HECTD4: variants seen among roughly 807,000 people sequenced by gnomAD.
HECTD4 encodes HECT domain E3 ubiquitin protein ligase 4.
A neutral mutation model predicts 471.5 loss-of-function variants in HECTD4; 114 were observed. The ratio of observed to expected loss-of-function variants is 0.24; its 90% confidence interval spans 0.21 to 0.28. The LOEUF is 0.28. Ranked by LOEUF, HECTD4 falls within the 10% of genes least tolerant of loss-of-function variation. The pLI, the probability that HECTD4 is intolerant of heterozygous loss-of-function variation, is 1.00. For missense variants in HECTD4, 3,866 were observed against 5,651.5 expected (o/e 0.68, Z 10.13); for synonymous variants, 2,012 against 2,256.0 (o/e 0.89, Z 3.07).
At chr12:112,337,378 A>G (rs2035977171) in intron 1 of HECTD4, among the ~76,000 whole-genome samples, 1 of 152,238 alleles carries the variant, frequency 6.6e-6, no homozygotes, top group Admixed American at 6.5e-5. Context: ...CCCTCAAAAT[A>G]TATGCACAAA....
At chr12:112,231,955 C>A (rs182892445) in intron 38 of HECTD4, among the ~76,000 whole-genome samples, 58 of 152,146 alleles carry the variant, frequency 3.8e-4, no homozygotes, top group Non-Finnish European at 7.2e-4. Context: ...CACAGGGCCC[C>A]GACACAGACT....
intron 44 of HECTD4, among the ~76,000 whole-genome samples, chr12:112,224,497 A>G (rs1019424146): frequency 6.6e-6 from 1 of 151,924 alleles, no homozygotes. Flanking sequence ...CCATCTCCTG[A>G]CCTCATGATC....
intron 3 of HECTD4, among the ~76,000 whole-genome samples, chr12:112,313,677 A>C (rs1363616284): frequency 6.6e-6 from 1 of 151,680 alleles, no homozygotes; most frequent in East Asian, 1.9e-4. Context: ...TTTAGTAGAG[A>C]TGGGGTTTTG....
rs766112447 is a variant in HECTD4, at chr12:112,235,694, T to C, written c.5535A>G (p.Leu1845=). ...GGCACAGCTGGAGAATAATAAGGAC[T>C]AGCTTTGGAGACGGGCGTTGGTCAA... ...LLLDQRPSPK[L]VLIILQLCRA... Residue 1845 remains leucine (L), a synonymous_variant, in exon 36 of 76, where the codon CTA becomes CTG. Transcript: ENST00000682272. The surrounding 1 kb of genome is among the most constrained non-coding windows in gnomAD (Gnocchi z 5.0). 1.9e-6 allele frequency: 3 copies of C among 1,613,874 alleles called. No homozygotes were observed. The highest frequency in any genetic ancestry group is 4.5e-5 in the East Asian group (2 of 44,896).
intron 48 of HECTD4, among the ~76,000 whole-genome samples, chr12:112,216,054 A>T (rs908875440): frequency 7.9e-5 from 12 of 152,206 alleles, no homozygotes; most frequent in Non-Finnish European, 1.6e-4. Context: ...GAATTATCTA[A>T]TGACTAAGGC....
rs1409389908 is a variant in HECTD4 at position 112,274,827 on chromosome 12, T to C, written c.1801+20A>G. On this transcript the variant is annotated intron_variant, in intron 10 of 75. Transcript: ENST00000682272. Reference sequence around the variant, plus strand: ...TAAAACTTGAAATTTTCCAAAGATATGTGCAAGTTTATTTCTTACCCAATC... The same window carrying C: ...TAAAACTTGAAATTTTCCAAAGATACGTGCAAGTTTATTTCTTACCCAATC... The C allele has an allele frequency of 1.1e-5, 16 of 1,435,960 alleles. No individual in the cohort carries two copies. The Admixed American group carries it at 2.0e-4, about 18-fold the overall frequency. The allele number at this position is 1,435,960 out of a possible 1,614,324, so 89.0% of individuals were successfully genotyped here.
Position 112,270,280 on chromosome 12 carries a change from C to T in HECTD4, c.2122G>A (p.Ala708Thr). 6.2e-7 allele frequency: 1 copy of T among 1,614,014 alleles called. No individual in the cohort carries two copies. The highest frequency in any genetic ancestry group is 8.5e-7 in the Non-Finnish European group (1 of 1,179,898). Residue 708 changes from alanine to threonine, a missense_variant, in exon 12 of 76, where the codon GCC (alanine) becomes ACC (threonine). Around this residue, in one of 16 missense-constraint regions of HECTD4, gnomAD observed 525 missense variants for 672.6 expected, o/e 0.78. Coordinates refer to ENST00000682272, the MANE Select transcript of HECTD4 (RefSeq NM_001388303.1). ...ATACAGGTATCTCCATTAACCATGG[C>T]CTTCTCCATAATGTCACAAATACTG... ...LSSICDIMEK[A>T]MVNGDTCIIR...
In HECTD4 at chr12:112,235,272, A is replaced by G; in HGVS notation, c.5726-6T>C. 5 of 1,604,952 alleles carry G rather than the reference A, an allele frequency of 3.1e-6. No homozygotes were observed. Among genetic ancestry groups the G allele is most frequent in the Non-Finnish European group, 4.3e-6 (5 of 1,176,218 alleles). ...AGAAAGAACTGTCTGACATCCTTTA[A>G]GCAAAAAACAAAGCTCATTCAGGAA... On this transcript the variant is annotated splice_region_variant and splice_polypyrimidine_tract_variant and intron_variant, in intron 36 of 75. Transcript: ENST00000682272. The surrounding 1 kb of genome is among the most constrained non-coding windows in gnomAD (Gnocchi z 5.0).
At position 112,175,798 on chromosome 12, in the gene HECTD4, C is replaced by A. The variant is rs568489250; in HGVS notation, c.11532G>T (p.Arg3844Ser). ...GFHKFVIDRA[R>S]QDIRSVWRAI... ...CCCTCCAGACGCTACGGATATCTTG[C>A]CTGGCTCGGTCAATAACAAATTTGT... The change falls in exon 66 of 76, where the codon AGG becomes AGT. Residue 3844 changes from arginine to serine, a missense_variant. Around this residue, in one of 16 missense-constraint regions of HECTD4, gnomAD observed 715 missense variants for 1,087.6 expected, o/e 0.66. Coordinates refer to ENST00000682272, the MANE Select transcript of HECTD4 (RefSeq NM_001388303.1). 6.2e-7 allele frequency: 1 copy of A among 1,613,472 alleles called. No individual in the cohort carries two copies. The highest frequency in any genetic ancestry group is 8.5e-7 in the Non-Finnish European group (1 of 1,179,686).
chr12:112,197,549 T>C (rs1174743236), intron 55 of HECTD4, among the ~76,000 whole-genome samples: 1 of 152,194 alleles, frequency 6.6e-6, no homozygotes, highest in Non-Finnish European at 1.5e-5. Context: ...TTGATGAAAA[T>C]CTGTGCCAGG....
At chr12:112,324,680 A>T (rs1300921289) in intron 1 of HECTD4, among the ~76,000 whole-genome samples, 1 of 152,170 alleles carries the variant, frequency 6.6e-6, no homozygotes, top group Non-Finnish European at 1.5e-5. Context: ...TTTGTTTTTT[A>T]GTGCTATTAC....
intron 44 of HECTD4, among the ~76,000 whole-genome samples, chr12:112,226,073 A>G (rs1004374692): frequency 6.6e-6 from 1 of 152,200 alleles, no homozygotes; most frequent in Non-Finnish European, 1.5e-5. Context: ...AAATAATTCC[A>G]GGGGTTGCAG....
intron 53 of HECTD4, among the ~76,000 whole-genome samples, chr12:112,204,020 A>T (rs1377706671): frequency 2.6e-5 from 4 of 152,232 alleles, no homozygotes; most frequent in Admixed American, 2.6e-4. Context: ...AAGACAAATA[A>T]GCCAGTTTAA....
chr12:112,239,761 G>A lies in HECTD4; in HGVS notation c.5105+120C>T, dbSNP rs1019086639. On this transcript the variant is annotated intron_variant, in intron 33 of 75. Coordinates refer to ENST00000682272, the MANE Select transcript of HECTD4 (RefSeq NM_001388303.1). The surrounding 1 kb of genome is among the most constrained non-coding windows in gnomAD (Gnocchi z 4.9). ...AAGTGTCTTTCAGGAGAAAAGTTTT[G>A]TATAGCTAGCTCTGGATAATGAAAG... 2 of 883,430 alleles carry A rather than the reference G, an allele frequency of 2.3e-6. No homozygotes were observed. The highest frequency in any genetic ancestry group is 3.3e-6 in the Non-Finnish European group (2 of 614,694). 54.7% of individuals were successfully genotyped at this position (883,430 alleles called of 1,614,324 possible). A position where few individuals can be genotyped will look rare whatever the true frequency, so the allele number is the denominator to read the frequency against.
chr12:112,312,037 G>A (rs1594034547), intron 4 of HECTD4, among the ~76,000 whole-genome samples: 1 of 152,218 alleles, frequency 6.6e-6, no homozygotes, highest in South Asian at 2.1e-4. Context: ...ATGCGAGGGG[G>A]CCTGCCGCTT....
At position 112,184,811 on chromosome 12, in the gene HECTD4, G is replaced by A. The variant is rs1375606318; in HGVS notation, c.10155C>T (p.Ala3385=). Residue 3385 remains alanine (A), a synonymous_variant, in exon 61 of 76, where the codon GCC becomes GCT. Coordinates refer to ENST00000682272, the MANE Select transcript of HECTD4 (RefSeq NM_001388303.1). The surrounding 1 kb of genome is among the most constrained non-coding windows in gnomAD (Gnocchi z 9.1). ...CGGTGGGGCCCACCAGGGCCTGGCA[G>A]GCATCGGCGATGGCGTCACTCGTCA... ...LGVTSDAIAD[A]CQALVGPTAH... 6.2e-7 allele frequency: 1 copy of A among 1,610,166 alleles called. No individual in the cohort carries two copies.
chr12:112,193,677 G>A lies in HECTD4; in HGVS notation c.8750-3C>T, dbSNP rs779010555. 1.2e-6 allele frequency: 2 copies of A among 1,608,930 alleles called. No individual in the cohort carries two copies. The highest frequency in any genetic ancestry group is 2.2e-5 in the East Asian group (1 of 44,794). On this transcript the variant is annotated splice_polypyrimidine_tract_variant and splice_region_variant and intron_variant, in intron 56 of 75. Transcript: ENST00000682272. The surrounding 1 kb of genome is among the most constrained non-coding windows in gnomAD (Gnocchi z 5.2). ...CGAGCTGGAGCTGATGGTGCCGTCT[G>A]GGGACGGAAAGGAAACAGAAGTTGA... is the stretch of plus-strand genomic sequence containing the variant.
intron 5 of HECTD4, 67 bp from the exon 6 acceptor site, chr12:112,308,958 C>CA: frequency 6.9e-7 from 1 of 1,439,394 alleles, no homozygotes; most frequent in Non-Finnish European, 9.2e-7. Context: ...CAAGCTACAA[C>CA]AGACACAAAC....
intron 41 of HECTD4, among the ~76,000 whole-genome samples, chr12:112,229,258 C>T (rs1467739183): frequency 5.3e-5 from 8 of 152,120 alleles, no homozygotes; most frequent in African/African-American, 1.9e-4. Context: ...ACCCGGGAGA[C>T]AGAGGTTGCA....
Sources: gnomAD v4.1 joint callset for allele counts (sites outside exome capture counted in the v4.1 genomes callset) on GRCh38, gnomAD v4.1.1 for gene constraint, gnomAD v4.1.1 regional missense constraint, Gnocchi (gnomAD v3.1) non-coding constraint, MANE v1.5 for transcripts, NCBI Gene and HGNC (gene_info 2026-07-23, HGNC 2026-07-21) for gene names.